Variants in HERC1 observed in about 807,000 individuals in gnomAD.
The protein encoded by HERC1 is HECT and RLD domain containing E3 ubiquitin protein ligase family member 1.
In HERC1, 160 loss-of-function variants were observed where a neutral mutation model predicts 554.3. That is an observed-to-expected ratio of 0.29 (90% CI 0.25 to 0.33). The LOEUF (loss-of-function observed/expected upper bound fraction) is 0.33, where lower values mean the gene tolerates loss of function less well. Ranked by LOEUF, HERC1 falls within the 10% of genes least tolerant of loss-of-function variation. The probability of loss-of-function intolerance (pLI) is 1.00; values close to 1 mark genes in which losing one functional copy is unlikely to be tolerated. For synonymous variants in HERC1, 2,175 were observed against 2,131.7 expected, an observed-to-expected ratio of 1.02 and a Z score of -0.56; for missense variants, 4,919 against 5,918.5, an observed-to-expected ratio of 0.83 and a Z score of 5.54.
At chr15:63,753,888 C>G (rs145214136) in intron 7 of HERC1, among the ~76,000 whole-genome samples, 1 of 152,174 alleles carries the variant, frequency 6.6e-6, no homozygotes, top group East Asian at 1.9e-4. Context: ...AAAAAAGATA[C>G]TCATGCCGGG....
At chr15:63,695,447 G>A (rs1320086562) in intron 27 of HERC1, among the ~76,000 whole-genome samples, 2 of 147,786 alleles carry the variant, frequency 1.4e-5, no homozygotes, top group African/African-American at 5.0e-5. Context: ...GTGTAGTGGG[G>A]TGATCTTCGC....
At chr15:63,767,792 G>A (rs2075829529) in intron 2 of HERC1, among the ~76,000 whole-genome samples, 1 of 152,140 alleles carries the variant, frequency 6.6e-6, no homozygotes, top group Non-Finnish European at 1.5e-5. Context: ...AGTATTACAT[G>A]GCAGAACTTT....
intron 34 of HERC1, among the ~76,000 whole-genome samples, chr15:63,685,363 T>A (rs949656628): frequency 6.6e-6 from 1 of 152,274 alleles, no homozygotes; most frequent in East Asian, 1.9e-4. Flanking sequence ...GCCTATTATA[T>A]GTTCTGATTA....
chr15:63,763,813 G>GTATGC (rs1220909540), intron 3 of HERC1, among the ~76,000 whole-genome samples: 1 of 152,024 alleles, frequency 6.6e-6, no homozygotes, highest in Non-Finnish European at 1.5e-5. Flanking sequence ...CAATATATGT[G>GTATGC]TATGCTTTTC....
chr15:63,617,853 G>T (rs895402981), intron 74 of HERC1, among the ~76,000 whole-genome samples: 1 of 151,776 alleles, frequency 6.6e-6, no homozygotes. Flanking sequence ...TTTTGATGGG[G>T]TTGTTTTTTT....
At position 63,749,786 on chromosome 15, in the gene HERC1, A is replaced by G. The variant is rs746216094; in HGVS notation, c.1908T>C (p.Tyr636=). 1.3e-6 allele frequency: 2 copies of G among 1,554,354 alleles called. No homozygotes were observed. The highest frequency in any genetic ancestry group is 1.2e-5 in the South Asian group (1 of 82,360). ...CTAGACAAGCTCCACAGCCCCAAGC[A>G]TAGACCTGAAAAAAACAGAAATACG... ...SLALTSTGQV[Y]AWGCGACLGC... is the part of the protein sequence containing the mutation. Residue 636 remains tyrosine, a synonymous_variant, in exon 9 of 78, where the codon TAT becomes TAC. Coordinates refer to ENST00000443617, the MANE Select transcript of HERC1 (RefSeq NM_003922.4). This position sits in a 1 kb window ranked among gnomAD's most constrained non-coding sequence, Gnocchi z 4.1.
rs74343831 is a variant in HERC1, at chr15:63,624,024, C to T, written c.13445+134G>A. The T allele has an allele frequency of 6.9e-3, 8,522 of 1,229,492 alleles. 448 individuals are homozygous for T. The African/African-American group carries it at 0.11, about 16-fold the overall frequency. 76.2% of individuals were successfully genotyped at this position (1,229,492 alleles called of 1,614,324 possible). ...CTGTGCTAGGCCCACTGTAACCACACCAGGTACTAATGTAAGTACTATTAC... is the reference window on the plus strand; with the variant it reads ...CTGTGCTAGGCCCACTGTAACCACATCAGGTACTAATGTAAGTACTATTAC... On this transcript the variant is annotated intron_variant, in intron 72 of 77. Coordinates refer to ENST00000443617, the MANE Select transcript of HERC1 (RefSeq NM_003922.4).
chr15:63,692,714 A>C lies in HERC1; in HGVS notation c.5675-148T>G. ...ACTGAATTCTGAAAACTTAAAGAACAGAATGGGGAAAGGTCAGAAAACAAA... is the reference window on the plus strand; with the variant it reads ...ACTGAATTCTGAAAACTTAAAGAACCGAATGGGGAAAGGTCAGAAAACAAA... On this transcript the variant is annotated intron_variant, in intron 30 of 77. Transcript: ENST00000443617. This position sits in a 1 kb window ranked among gnomAD's most constrained non-coding sequence, Gnocchi z 4.7. 1 of 708,110 alleles carries C rather than the reference A, an allele frequency of 1.4e-6. No individual in the cohort carries two copies. Among genetic ancestry groups the C allele is most frequent in the Non-Finnish European group, 2.3e-6 (1 of 443,816 alleles). The allele number at this position is 708,110 out of a possible 1,614,324, so 43.9% of individuals were successfully genotyped here. A position where few individuals can be genotyped will look rare whatever the true frequency, so the allele number is the denominator to read the frequency against.
chr15:63,634,019 C>T (rs2068675714), intron 66 of HERC1, 49 bp from the exon 67 acceptor site: 5 of 1,603,224 alleles, frequency 3.1e-6, no homozygotes, highest in Non-Finnish European at 4.3e-6. Flanking sequence ...ACCTAAAACA[C>T]ACTCCCCCGT....
At chr15:63,689,535 G>T in intron 33 of HERC1, 54 bp downstream of exon 33, 1 of 951,462 alleles carries the variant, frequency 1.1e-6, no homozygotes, top group Non-Finnish European at 1.6e-6. Context: ...AGAGACAAGT[G>T]ACAGAATATT....
intron 1 of HERC1, among the ~76,000 whole-genome samples, chr15:63,782,435 C>T (rs1478958407): frequency 6.6e-6 from 1 of 152,174 alleles, no homozygotes; most frequent in African/African-American, 2.4e-5. Flanking sequence ...GTTTACTACA[C>T]AGTTTACTAA....
chr15:63,694,785 T>C lies in HERC1; in HGVS notation c.5231A>G (p.Lys1744Arg), dbSNP rs1273006639. Reference protein sequence around the residue: ...ATLERALQANKHHIEAQQRLL... With the variant: ...ATLERALQANRHHIEAQQRLL... ...AACCGTTTACTTACCAATGTGATGCTTGTTTGCTTGCAGGGCTCTTTCCAG... is the reference window on the plus strand; with the variant it reads ...AACCGTTTACTTACCAATGTGATGCCTGTTTGCTTGCAGGGCTCTTTCCAG... The change falls in exon 28 of 78, where the codon AAG (lysine) becomes AGG (arginine). Residue 1744 changes from lysine (K) to arginine (R), a missense_variant. Around this residue, in one of 11 missense-constraint regions of HERC1, gnomAD observed 1,121 missense variants for 1,244.0 expected, o/e 0.90. Transcript: ENST00000443617. The surrounding 1 kb of genome is among the most constrained non-coding windows in gnomAD (Gnocchi z 4.3). 1 of 1,613,976 alleles carries C rather than the reference T, an allele frequency of 6.2e-7. No homozygotes were observed. Among genetic ancestry groups the C allele is most frequent in the East Asian group, 2.2e-5 (1 of 44,876 alleles).
chr15:63,670,304 G>C (rs896732361), intron 39 of HERC1, among the ~76,000 whole-genome samples: 1 of 152,194 alleles, frequency 6.6e-6, no homozygotes, highest in African/African-American at 2.4e-5. Flanking sequence ...TCAGGGAAAG[G>C]TATTGGAGGG....
At chr15:63,779,306 C>A (rs1596233125) in intron 1 of HERC1, among the ~76,000 whole-genome samples, 1 of 151,924 alleles carries the variant, frequency 6.6e-6, no homozygotes, top group East Asian at 1.9e-4. Flanking sequence ...AAGAAATAGC[C>A]TAGAAAAACT....
chr15:63,654,229 T>C lies in HERC1; in HGVS notation c.10180A>G (p.Thr3394Ala), dbSNP rs1216148974. 3.7e-6 allele frequency: 6 copies of C among 1,613,808 alleles called. No individual in the cohort carries two copies. The highest frequency in any genetic ancestry group is 5.1e-6 in the Non-Finnish European group (6 of 1,179,854). The change falls in exon 51 of 78, where the codon ACT (threonine) becomes GCT (alanine). Residue 3394 changes from threonine to alanine, a missense_variant. Around this residue, in one of 11 missense-constraint regions of HERC1, gnomAD observed 1,963 missense variants for 2,228.6 expected, o/e 0.88. Transcript: ENST00000443617. Reference protein sequence around the residue: ...RQWAAQQLVRTLAAHDRDNQT... With the variant: ...RQWAAQQLVRALAAHDRDNQT... ...TTGTCACGGTCGTGTGCAGCAAGAG[T>C]GCGCACGAGTTGCTGAGCTGCCCAT...
chr15:63,633,270 T>G (rs1298200749), intron 67 of HERC1, among the ~76,000 whole-genome samples: 1 of 152,214 alleles, frequency 6.6e-6, no homozygotes, highest in Non-Finnish European at 1.5e-5. Context: ...TGGTGGTGAA[T>G]CTGAATATAA....
rs757750709 is a variant in HERC1, at chr15:63,640,413, A to G, written c.11640T>C (p.His3880=). 2 of 1,613,806 alleles carry G rather than the reference A, an allele frequency of 1.2e-6. No homozygotes were observed. The highest frequency in any genetic ancestry group is 2.2e-5 in the South Asian group (2 of 91,076). The change falls in exon 61 of 78, where the codon CAT becomes CAC. Residue 3880 remains histidine, a synonymous_variant. Coordinates refer to ENST00000443617, the MANE Select transcript of HERC1 (RefSeq NM_003922.4). ...AAGCCAAGCATTGCATATAGGGGCT[A>G]TGAACAAGTTGGTCACCACAAACCA... ...PHVVCGDQLV[H]SPYMQCLASL...
chr15:63,653,365 C>A (rs1211642376), intron 51 of HERC1, among the ~76,000 whole-genome samples: 2 of 151,938 alleles, frequency 1.3e-5, no homozygotes, highest in African/African-American at 4.8e-5. Flanking sequence ...ATCACTTGAA[C>A]CCGGGAGGCG....
At chr15:63,697,644 G>A (rs2072499756) in intron 26 of HERC1, among the ~76,000 whole-genome samples, 1 of 151,886 alleles carries the variant, frequency 6.6e-6, no homozygotes, top group African/African-American at 2.4e-5. Context: ...TAGTAGAGAT[G>A]GGGTTTCACC....
Sources: gnomAD v4.1 joint callset for allele counts (sites outside exome capture counted in the v4.1 genomes callset) on GRCh38, gnomAD v4.1.1 for gene constraint, gnomAD v4.1.1 regional missense constraint, Gnocchi (gnomAD v3.1) non-coding constraint, MANE v1.5 for transcripts, NCBI Gene and HGNC (gene_info 2026-07-23, HGNC 2026-07-21) for gene names.